The following SHISA9 variants were observed in gnomAD, a reference collection of about 807,000 sequenced individuals.
SHISA9 encodes the protein shisa family member 9, also known as protein shisa-9.
A neutral mutation model predicts 38.0 loss-of-function variants in SHISA9; 13 were observed. The observed-to-expected ratio is 0.34, with a 90% CI of 0.22 to 0.54. The LOEUF (loss-of-function observed/expected upper bound fraction) is 0.54. Ranked by LOEUF, SHISA9 falls within the 20% of genes least tolerant of loss-of-function variation. The pLI is 0.91. For missense variants in SHISA9, 538 were observed against 575.8 expected (o/e 0.93, Z 0.67); for synonymous variants, 275 against 242.0 (o/e 1.14, Z -1.27).
chr16:13,207,208 G>C (rs941784954), intron 3 of SHISA9, among the ~76,000 whole-genome samples: 1 of 152,156 alleles, frequency 6.6e-6, no homozygotes, highest in Non-Finnish European at 1.5e-5. Flanking sequence ...AGGTTGCAGT[G>C]AGCGGAGATG....
chr16:13,207,381 T>G (rs2051075232), intron 3 of SHISA9, among the ~76,000 whole-genome samples: 1 of 152,166 alleles, frequency 6.6e-6, no homozygotes, highest in African/African-American at 2.4e-5. Flanking sequence ...TGAAAATCAT[T>G]TCACACTCTT....
chr16:13,114,312 A>G (rs1451354330), intron 2 of SHISA9, among the ~76,000 whole-genome samples: 1 of 151,634 alleles, frequency 6.6e-6, no homozygotes, highest in Non-Finnish European at 1.5e-5. Flanking sequence ...TAAAAATACA[A>G]AAAATTAGCT....
chr16:13,115,771 G>A (rs1343323629), intron 2 of SHISA9, among the ~76,000 whole-genome samples: 1 of 152,156 alleles, frequency 6.6e-6, no homozygotes, highest in Non-Finnish European at 1.5e-5. Context: ...CCATTATACT[G>A]GTTCATACCA....
chr16:13,500,532 AG>A, the SHISA9 span, among the ~76,000 whole-genome samples: 1 of 151,306 alleles, frequency 6.6e-6, no homozygotes, highest in Admixed American at 6.6e-5. Context: ...GGTGAATGGT[AG>A]GATTTTCCAG....
rs969979166 is a variant in SHISA9 at position 13,146,030 on chromosome 16, A to G, written c.692-57364A>G. 3.3e-5 allele frequency among the ~76,000 whole-genome samples: 5 copies of G among 152,250 alleles called. No individual in the cohort carries two copies. In the East Asian group the frequency reaches 9.6e-4, roughly 29 times the overall value. ...TGGCAAAACCCTGTCTTTACTAAAG[A>G]TACAAAAATTAGCGAGGTGTGGTGG... On this transcript the variant is annotated intron_variant, in intron 2 of 4. Coordinates refer to ENST00000558583, the MANE Select transcript of SHISA9 (RefSeq NM_001145204.3).
At chr16:13,326,442 C>CG in the SHISA9 span, among the ~76,000 whole-genome samples, 1 of 152,160 alleles carries the variant, frequency 6.6e-6, no homozygotes, top group Admixed American at 6.5e-5. Context: ...AAGTCCCCAC[C>CG]GGGTGCAGTG....
At chr16:13,375,396 C>G in the SHISA9 span, among the ~76,000 whole-genome samples, 1 of 152,130 alleles carries the variant, frequency 6.6e-6, no homozygotes, top group Admixed American at 6.5e-5. Context: ...ATATGGCTAG[C>G]CAGTTTTCCC....
intron 2 of SHISA9, among the ~76,000 whole-genome samples, chr16:13,039,396 A>C (rs1392278803): frequency 1.3e-5 from 2 of 152,042 alleles, no homozygotes; most frequent in Non-Finnish European, 2.9e-5. Context: ...CAGATTAAAG[A>C]ACCTCCACTT....
chr16:13,474,493 A>G, the SHISA9 span, among the ~76,000 whole-genome samples: 2 of 152,226 alleles, frequency 1.3e-5, no homozygotes, highest in Non-Finnish European at 2.9e-5. Flanking sequence ...AGGGATTGAT[A>G]TATTTATCCA....
chr16:13,004,867 G>C (rs1237438740), intron 2 of SHISA9, among the ~76,000 whole-genome samples: 1 of 151,098 alleles, frequency 6.6e-6, no homozygotes, highest in East Asian at 1.9e-4. Context: ...GGGAGGCAGA[G>C]GTTGCAGTGA....
chr16:13,336,567 C>G, the SHISA9 span, among the ~76,000 whole-genome samples: 1 of 152,208 alleles, frequency 6.6e-6, no homozygotes, highest in East Asian at 1.9e-4. Context: ...GTTACATTCT[C>G]TCCTTCTCAA....
the SHISA9 span, among the ~76,000 whole-genome samples, chr16:13,539,233 G>T: frequency 1.2e-4 from 18 of 149,436 alleles, no homozygotes; most frequent in Admixed American, 3.4e-4. Flanking sequence ...AAGCTCAAGA[G>T]ATCCTCTTAC....
At chr16:13,464,435 T>C in the SHISA9 span, among the ~76,000 whole-genome samples, 1 of 152,204 alleles carries the variant, frequency 6.6e-6, no homozygotes, top group African/African-American at 2.4e-5. Context: ...ACTGGTGCTA[T>C]TTCCTCCAAC....
At chr16:13,300,362 T>G in the SHISA9 span, among the ~76,000 whole-genome samples, 1 of 152,112 alleles carries the variant, frequency 6.6e-6, no homozygotes, top group African/African-American at 2.4e-5. Context: ...TAACCCTGCT[T>G]CTCCTCATTC....
chr16:13,398,289 C>A, the SHISA9 span, among the ~76,000 whole-genome samples: 1 of 152,214 alleles, frequency 6.6e-6, no homozygotes, highest in Non-Finnish European at 1.5e-5. Flanking sequence ...CACACCCTTC[C>A]CTTCCCAGCA....
chr16:13,007,357 C>A (rs1439208255), intron 2 of SHISA9, among the ~76,000 whole-genome samples: 1 of 152,164 alleles, frequency 6.6e-6, no homozygotes, highest in African/African-American at 2.4e-5. Flanking sequence ...CTCCCACCCC[C>A]AATAGGCCTC....
At chr16:13,155,589 GGTGT>G (rs34008707) in intron 2 of SHISA9, among the ~76,000 whole-genome samples, 6 of 151,186 alleles carry the variant, frequency 4.0e-5, no homozygotes, top group Non-Finnish European at 7.4e-5. Flanking sequence ...TTGTGTGTGT[GGTGT>G]GTGTGTGTGT....
intron 2 of SHISA9, among the ~76,000 whole-genome samples, chr16:13,029,144 AC>A (rs1294233368): frequency 2.6e-5 from 4 of 152,192 alleles, no homozygotes; most frequent in Admixed American, 1.3e-4. Flanking sequence ...CTGGGTATAT[AC>A]CCCAAAGAAA....
intron 2 of SHISA9, among the ~76,000 whole-genome samples, chr16:13,089,834 C>T (rs1333236813): frequency 6.6e-6 from 1 of 151,812 alleles, no homozygotes; most frequent in Non-Finnish European, 1.5e-5. Flanking sequence ...TATTTCTTGC[C>T]TTCTGCTAGC....
Sources: allele counts gnomAD v4.1 joint callset (sites outside exome capture counted in the v4.1 genomes callset), GRCh38; gene constraint gnomAD v4.1.1; transcripts MANE v1.5; gene names NCBI Gene and HGNC (gene_info 2026-07-23, HGNC 2026-07-21).